Variants in FSIP1 observed in about 807,000 individuals in gnomAD.
The protein encoded by FSIP1 is fibrous sheath-interacting protein 1.
Under a neutral mutation model 60.9 loss-of-function variants are expected in FSIP1, and 65 were observed. That is an observed-to-expected ratio of 1.07 (90% CI 0.87 to 1.31). The LOEUF (loss-of-function observed/expected upper bound fraction) is 1.31. FSIP1 is among the 40% of genes most tolerant of loss of function. FSIP1 has a pLI of 0.00. For synonymous variants in FSIP1, 209 were observed against 221.2 expected, an observed-to-expected ratio of 0.94 and a Z score of 0.49; for missense variants, 675 against 665.5, an observed-to-expected ratio of 1.01 and a Z score of -0.16.
At chr15:39,690,701 T>C (rs1289579708) in intron 10 of FSIP1, among the ~76,000 whole-genome samples, 1 of 152,220 alleles carries the variant, frequency 6.6e-6, no homozygotes, top group Admixed American at 6.5e-5. Context: ...TGTCCATTGC[T>C]GCCACAAACC....
intron 5 of FSIP1, among the ~76,000 whole-genome samples, chr15:39,750,849 C>A (rs985899439): frequency 6.6e-6 from 1 of 151,796 alleles, no homozygotes; most frequent in East Asian, 1.9e-4. Flanking sequence ...AAGAAAAAAA[C>A]CTACAGATTG....
At chr15:39,653,175 C>A (rs1275890257) in intron 10 of FSIP1, among the ~76,000 whole-genome samples, 397 of 116,478 alleles carry the variant, frequency 3.4e-3, no homozygotes, top group Middle Eastern at 4.0e-3. Context: ...GACTTTGTCT[C>A]AAAAAAAAAA....
chr15:39,780,392 A>T (rs527470525), intron 1 of FSIP1, among the ~76,000 whole-genome samples: 2 of 152,100 alleles, frequency 1.3e-5, no homozygotes, highest in Non-Finnish European at 2.9e-5. Flanking sequence ...GGGAGTGGTG[A>T]TGGGCGCCTG....
At chr15:39,672,298 A>C (rs1893752350) in intron 10 of FSIP1, among the ~76,000 whole-genome samples, 1 of 152,246 alleles carries the variant, frequency 6.6e-6, no homozygotes, top group African/African-American at 2.4e-5. Context: ...GCAGTGCTCC[A>C]TGAAGAGGCG....
At position 39,750,174 on chromosome 15, in the gene FSIP1, A is replaced by G. The variant is rs562260715; in HGVS notation, c.560-8274T>C. Among the ~76,000 whole-genome samples, 5 of 152,136 alleles carry G rather than the reference A, an allele frequency of 3.3e-5. No homozygotes were observed. In the South Asian group the frequency reaches 1.0e-3, roughly 31 times the overall value. ...GAAAGAGATTCAAGAGGACACAAAT[A>G]AATGGAAAGATACTCCGTGCTCATG... is the stretch of plus-strand genomic sequence containing the variant. On this transcript the variant is annotated intron_variant, in intron 5 of 11. Coordinates refer to ENST00000350221, the MANE Select transcript of FSIP1 (RefSeq NM_152597.5).
chr15:39,712,544 A>C (rs1001646015), intron 10 of FSIP1, among the ~76,000 whole-genome samples: 3 of 152,228 alleles, frequency 2.0e-5, no homozygotes, highest in Non-Finnish European at 4.4e-5. Context: ...TTAAAACTCA[A>C]AGAAGCTTGA....
At chr15:39,685,027 C>A (rs188938774) in intron 10 of FSIP1, among the ~76,000 whole-genome samples, 87 of 152,298 alleles carry the variant, frequency 5.7e-4, no homozygotes, top group East Asian at 1.9e-4. Flanking sequence ...CAGACTCCTA[C>A]AAATCACACT....
chr15:39,686,006 C>T (rs190896512), intron 10 of FSIP1, among the ~76,000 whole-genome samples: 1 of 152,336 alleles, frequency 6.6e-6, no homozygotes, highest in Admixed American at 6.5e-5. Context: ...AAAAGGGTAA[C>T]AAGAGCTGTC....
rs147424947 is a variant in FSIP1 at position 39,746,341 on chromosome 15, C to T, written c.560-4441G>A. 2.4e-3 allele frequency among the ~76,000 whole-genome samples: 368 copies of T among 152,268 alleles called. 1 individual carries two copies. The highest frequency in any genetic ancestry group is 7.9e-3 in the African/African-American group (328 of 41,560). ...AAAAAAACAACCAGAAACCAGAGTC[C>T]CCATCTCCTTGAGCAACAACACTGT... On this transcript the variant is annotated intron_variant, in intron 5 of 11. Coordinates refer to ENST00000350221, the MANE Select transcript of FSIP1 (RefSeq NM_152597.5).
rs116668603 is a variant in FSIP1 at position 39,633,394 on chromosome 15, T to C, written c.1189-15149A>G. ...TGAGCCACTGCACTCGGCCTGGCTATACTTTTTAAATGTCCAAACAATTAA... is the reference window on the plus strand; with the variant it reads ...TGAGCCACTGCACTCGGCCTGGCTACACTTTTTAAATGTCCAAACAATTAA... On this transcript the variant is annotated intron_variant, in intron 10 of 11. Transcript: ENST00000350221. Among the ~76,000 whole-genome samples, 667 of 152,276 alleles carry C rather than the reference T, an allele frequency of 4.4e-3. 7 individuals are homozygous for C. The highest frequency in any genetic ancestry group is 0.015 in the African/African-American group (632 of 41,566).
chr15:39,776,490 G>C lies in FSIP1; in HGVS notation c.35C>G (p.Ser12Ter). The change falls in exon 2 of 12, where the codon TCA becomes TGA. Residue 12 changes from serine to a stop codon, truncating the protein, a stop_gained. Transcript: ENST00000350221. LOFTEE classifies it high-confidence loss of function. ...TATTCTTGAATTTGAAGCTGGTTTT[G>C]AAATTCCATCTAGGTTTCCCTTTAT... ...DIIKGNLDGI[S>*]KPASNSRIRP... is the part of the protein sequence containing the mutation. 6.3e-7 allele frequency: 1 copy of C among 1,599,214 alleles called. No individual in the cohort carries two copies. The highest frequency in any genetic ancestry group is 8.5e-7 in the Non-Finnish European group (1 of 1,170,788).
At chr15:39,732,116 C>G (rs1240432335) in intron 8 of FSIP1, among the ~76,000 whole-genome samples, 1 of 152,164 alleles carries the variant, frequency 6.6e-6, no homozygotes, top group Non-Finnish European at 1.5e-5. Flanking sequence ...CAACCTAGAT[C>G]CCTCCCATGC....
intron 10 of FSIP1, among the ~76,000 whole-genome samples, chr15:39,632,963 A>C (rs957183021): frequency 2.6e-5 from 4 of 152,212 alleles, no homozygotes; most frequent in Non-Finnish European, 5.9e-5. Flanking sequence ...AGGTCGAAAT[A>C]CAAGGAGCAT....
intron 9 of FSIP1, 21 bp downstream of exon 9, chr15:39,726,568 G>A (rs747548562): frequency 6.2e-7 from 1 of 1,612,548 alleles, no homozygotes. Context: ...AACTTGAACA[G>A]TCTATGGGTT....
chr15:39,657,946 G>A (rs942399046), intron 10 of FSIP1, among the ~76,000 whole-genome samples: 3 of 152,142 alleles, frequency 2.0e-5, no homozygotes, highest in African/African-American at 4.8e-5. Context: ...CCATTCCTTC[G>A]AGAACAGCAT....
At chr15:39,628,137 TACTGGC>T (rs1236781816) in intron 10 of FSIP1, among the ~76,000 whole-genome samples, 2 of 152,184 alleles carry the variant, frequency 1.3e-5, no homozygotes, top group African/African-American at 4.8e-5. Context: ...AGGTGGTTTC[TACTGGC>T]ATATCTGGGA....
At chr15:39,665,280 A>G (rs1893452400) in intron 10 of FSIP1, among the ~76,000 whole-genome samples, 1 of 152,224 alleles carries the variant, frequency 6.6e-6, no homozygotes, top group Admixed American at 6.5e-5. Flanking sequence ...TGCCTTATTT[A>G]TCGGTTATTA....
At chr15:39,687,152 T>TTTTTTTTTTTTTTTTTTTTTTTG (rs1164255473) in intron 10 of FSIP1, among the ~76,000 whole-genome samples, 1 of 133,108 alleles carries the variant, frequency 7.5e-6, no homozygotes, top group Non-Finnish European at 1.6e-5. Flanking sequence ...TTTTTTTTTT[T>TTTTTTTTTTTTTTTTTTTTTTTG]TTTTTTTTTT....
At chr15:39,739,458 A>AGATAG (rs1896729208) in intron 7 of FSIP1, among the ~76,000 whole-genome samples, 1 of 152,262 alleles carries the variant, frequency 6.6e-6, no homozygotes, top group Non-Finnish European at 1.5e-5. Flanking sequence ...TTTTAAAAAG[A>AGATAG]GATAGGATAG....
Sources: allele counts gnomAD v4.1 joint callset (sites outside exome capture counted in the v4.1 genomes callset), GRCh38; gene constraint gnomAD v4.1.1; transcripts MANE v1.5; gene names NCBI Gene and HGNC (gene_info 2026-07-23, HGNC 2026-07-21).